ADAMTS6: variants seen among roughly 807,000 people sequenced by gnomAD.
ADAMTS6 encodes the protein ADAM metallopeptidase with thrombospondin type 1 motif 6.
Under a neutral mutation model 144.3 loss-of-function variants are expected in ADAMTS6, and 23 were observed. The ratio of observed to expected loss-of-function variants is 0.16; its 90% CI spans 0.11 to 0.23. ADAMTS6 has a LOEUF of 0.23. Ranked by LOEUF, ADAMTS6 falls within the 10% of genes least tolerant of loss-of-function variation. The pLI is 1.00. For synonymous variants in ADAMTS6, 444 were observed against 457.5 expected (o/e 0.97, Z 0.38); for missense variants, 999 against 1,379.6 (o/e 0.72, Z 4.37).
chr5:65,328,675 T>A lies in ADAMTS6; in HGVS notation c.1223+703A>T, dbSNP rs140383489. Reference sequence around the variant, plus strand: ...AATTTCAACACAAATGTTGAAATTTTAAAAAAAAAGTATTATCAAGCTTCT... The same window carrying A: ...AATTTCAACACAAATGTTGAAATTTAAAAAAAAAAGTATTATCAAGCTTCT... On this transcript the variant is annotated intron_variant, in intron 9 of 24. Transcript: ENST00000381055. Among the ~76,000 whole-genome samples the A allele has an allele frequency of 5.1e-3, 767 of 150,608 alleles. 3 individuals are homozygous for A. Among genetic ancestry groups the A allele is most frequent in the African/African-American group, 0.017 (677 of 40,850 alleles).
chr5:65,263,611 C>T (rs1394187198), intron 12 of ADAMTS6, among the ~76,000 whole-genome samples: 5 of 152,254 alleles, frequency 3.3e-5, no homozygotes, highest in African/African-American at 7.2e-5. Context: ...TTCTGCTCAG[C>T]TCTACTCTCC....
intron 11 of ADAMTS6, among the ~76,000 whole-genome samples, chr5:65,280,859 G>A (rs550650512): frequency 4.1e-4 from 62 of 152,280 alleles, no homozygotes; most frequent in African/African-American, 1.4e-3. Flanking sequence ...TAGAGGAGAA[G>A]TCAGTTCAAT....
At chr5:65,474,253 T>G (rs1760678275) in intron 1 of ADAMTS6, among the ~76,000 whole-genome samples, 1 of 152,128 alleles carries the variant, frequency 6.6e-6, no homozygotes, top group Non-Finnish European at 1.5e-5. Context: ...TTAACTTCCT[T>G]TTGATAAAAT....
chr5:65,188,070 C>T lies in ADAMTS6; in HGVS notation c.2856G>A (p.Glu952=). The T allele has an allele frequency of 6.2e-7, 1 of 1,614,146 alleles. No individual in the cohort carries two copies. The highest frequency in any genetic ancestry group is 8.5e-7 in the Non-Finnish European group (1 of 1,180,008). Reference sequence around the variant, plus strand: ...GTGGACATGACTGGTTGTTGCAGGGCTCTTTTTCGACAGGCCGGTGTGTTA... The same window carrying T: ...GTGGACATGACTGGTTGTTGCAGGGTTCTTTTTCGACAGGCCGGTGTGTTA... ...GCLTHRPVEK[E]PCNNQSCPPQ... The change falls in exon 22 of 25, where the codon GAG becomes GAA. Residue 952 remains glutamate (E), a synonymous_variant. Coordinates refer to ENST00000381055, the MANE Select transcript of ADAMTS6 (RefSeq NM_197941.4).
At chr5:65,461,837 A>G (rs748503992) in intron 3 of ADAMTS6, among the ~76,000 whole-genome samples, 16 of 152,228 alleles carry the variant, frequency 1.1e-4, no homozygotes, top group Non-Finnish European at 2.2e-4. Context: ...TTAAAAAGAA[A>G]GCTGAAAACC....
intron 9 of ADAMTS6, among the ~76,000 whole-genome samples, chr5:65,313,635 C>T (rs1467916502): frequency 6.6e-6 from 1 of 151,746 alleles, no homozygotes; most frequent in East Asian, 1.9e-4. Context: ...AATGTGGAGA[C>T]ATAAGAAAAT....
At chr5:65,277,673 A>G (rs1427445187) in intron 11 of ADAMTS6, among the ~76,000 whole-genome samples, 2 of 152,080 alleles carry the variant, frequency 1.3e-5, no homozygotes, top group Non-Finnish European at 2.9e-5. Context: ...AAAATTCCCA[A>G]GGGCAGGGTC....
chr5:65,246,284 A>G (rs1242474635), intron 14 of ADAMTS6, among the ~76,000 whole-genome samples: 1 of 152,184 alleles, frequency 6.6e-6, no homozygotes, highest in Non-Finnish European at 1.5e-5. Flanking sequence ...TGGCTTTCCT[A>G]CGGGCACATC....
chr5:65,247,369 T>C (rs549589161), intron 14 of ADAMTS6, among the ~76,000 whole-genome samples: 16 of 152,324 alleles, frequency 1.1e-4, no homozygotes, highest in Non-Finnish European at 1.8e-4. Context: ...AATAATTCAT[T>C]GAGGCCTAAA....
At position 65,224,998 on chromosome 5, in the gene ADAMTS6, C is replaced by T. The variant is rs748200051; in HGVS notation, c.2117G>A (p.Cys706Tyr). 6.2e-7 allele frequency: 1 copy of T among 1,614,124 alleles called. No individual in the cohort carries two copies. The highest frequency in any genetic ancestry group is 8.5e-7 in the Non-Finnish European group (1 of 1,179,994). ...GCTTCCGTCCCCTCCACAGACTCGACATCTATCTTCCCTAGCATCAGATCC... is the reference window on the plus strand; with the variant it reads ...GCTTCCGTCCCCTCCACAGACTCGATATCTATCTTCCCTAGCATCAGATCC... ...ILGSDAREDR[C>Y]RVCGGDGSTC... The change falls in exon 17 of 25, where the codon TGT becomes TAT. Residue 706 changes from cysteine (C) to tyrosine (Y), a missense_variant. This residue lies in a region of ADAMTS6 where 619 missense variants were observed against 837.0 expected (regional missense o/e 0.74). Transcript: ENST00000381055.
intron 7 of ADAMTS6, among the ~76,000 whole-genome samples, chr5:65,449,368 G>A (rs1346673572): frequency 6.6e-6 from 1 of 152,178 alleles, no homozygotes; most frequent in African/African-American, 2.4e-5. Context: ...GTAATCCCCA[G>A]CACTTTGGGA....
intron 7 of ADAMTS6, among the ~76,000 whole-genome samples, chr5:65,373,629 C>G (rs1011234661): frequency 3.3e-5 from 5 of 152,132 alleles, no homozygotes; most frequent in African/African-American, 9.6e-5. Flanking sequence ...GCTTACCAAC[C>G]AAAAAGAGTC....
At chr5:65,179,952 G>GCACA (rs1310550201) in intron 22 of ADAMTS6, among the ~76,000 whole-genome samples, 924 of 83,700 alleles carry the variant, frequency 0.011, 9 homozygotes, top group African/African-American at 0.046. Context: ...ACATGTGCAC[G>GCACA]CACGCGCACA....
intron 21 of ADAMTS6, among the ~76,000 whole-genome samples, chr5:65,196,097 T>C (rs992133910): frequency 9.2e-5 from 14 of 152,298 alleles, no homozygotes; most frequent in Admixed American, 7.2e-4. Context: ...GCTGCATTAA[T>C]CAACAGAAAG....
chr5:65,174,500 G>T (rs116340488), intron 22 of ADAMTS6, among the ~76,000 whole-genome samples: 4,218 of 152,284 alleles, frequency 0.028, 187 homozygotes, highest in African/African-American at 0.096. Flanking sequence ...CCCCGTGGAC[G>T]ATCAACGCAG....
Position 65,151,764 on chromosome 5 carries a change from T to C in ADAMTS6, c.*72A>G, listed in dbSNP as rs900995343. 6.5e-5 allele frequency: 87 copies of C among 1,344,708 alleles called. No homozygotes were observed. The highest frequency in any genetic ancestry group is 8.8e-5 in the Non-Finnish European group (83 of 944,520). The allele number at this position is 1,344,708 out of a possible 1,614,324, so 83.3% of individuals were successfully genotyped here. A position where few individuals can be genotyped will look rare whatever the true frequency, so the allele number is the denominator to read the frequency against. On this transcript the variant is annotated 3_prime_UTR_variant, in exon 25 of 25. Coordinates refer to ENST00000381055, the MANE Select transcript of ADAMTS6 (RefSeq NM_197941.4). ...TTTGCAAGGACATCAATCCTCTTCC[T>C]CTGGGTGGCTCTCTTTGATGGATGC...
intron 7 of ADAMTS6, among the ~76,000 whole-genome samples, chr5:65,363,836 A>C (rs1291940100): frequency 6.6e-6 from 1 of 152,242 alleles, no homozygotes; most frequent in African/African-American, 2.4e-5. Context: ...ATTTCAAATC[A>C]AAATAAATCA....
chr5:65,471,685 G>A (rs548812094), intron 2 of ADAMTS6, among the ~76,000 whole-genome samples: 1 of 152,116 alleles, frequency 6.6e-6, no homozygotes, highest in South Asian at 2.1e-4. Flanking sequence ...TTGAACCTGG[G>A]AGGTGGTGGT....
Position 65,291,464 on chromosome 5 carries a change from G to A in ADAMTS6, c.1377C>T (p.Gly459=). The change falls in exon 11 of 25, where the codon GGC becomes GGT. Residue 459 remains glycine (G), a synonymous_variant. Coordinates refer to ENST00000381055, the MANE Select transcript of ADAMTS6 (RefSeq NM_197941.4). ...GCTCATTATCAAGGCAAGTACCACG[G>A]CCTGAACTGTTCAACATAAAGGATC... ...RDYITSFLDS[G]RGTCLDNEPP... 6.2e-7 allele frequency: 1 copy of A among 1,611,202 alleles called. No individual in the cohort carries two copies. The highest frequency in any genetic ancestry group is 8.5e-7 in the Non-Finnish European group (1 of 1,178,628).
Sources: allele counts gnomAD v4.1 joint callset (sites outside exome capture counted in the v4.1 genomes callset), GRCh38; gene constraint gnomAD v4.1.1; regional missense constraint gnomAD v4.1.1; transcripts MANE v1.5; gene names NCBI Gene and HGNC (gene_info 2026-07-23, HGNC 2026-07-21).